The following LSAMP variants were observed in gnomAD, a reference collection of about 807,000 sequenced individuals.
The protein encoded by LSAMP is limbic system-associated membrane protein.
A neutral mutation model predicts 38.6 loss-of-function variants in LSAMP; 7 were observed. That is an observed-to-expected ratio of 0.18 (90% CI 0.10 to 0.34). The LOEUF (loss-of-function observed/expected upper bound fraction) is 0.34, where lower values mean the gene tolerates loss of function less well. LSAMP is among the 10% of genes least tolerant of loss of function. The probability of loss-of-function intolerance (pLI) is 1.00; values close to 1 mark genes in which losing one functional copy is unlikely to be tolerated. For synonymous variants in LSAMP, 154 were observed against 166.8 expected, an observed-to-expected ratio of 0.92 and a Z score of 0.59; for missense variants, 313 against 420.0, an observed-to-expected ratio of 0.75 and a Z score of 2.23.
intron 2 of LSAMP, among the ~76,000 whole-genome samples, chr3:116,081,562 T>C (rs552508105): frequency 6.6e-6 from 1 of 152,320 alleles, no homozygotes; most frequent in Non-Finnish European, 1.5e-5. Context: ...ATATATATTC[T>C]AGGATTAATG....
intron 1 of LSAMP, among the ~76,000 whole-genome samples, chr3:116,097,898 G>C (rs145829917): frequency 4.5e-4 from 69 of 152,052 alleles, no homozygotes; most frequent in Admixed American, 9.2e-4. Flanking sequence ...ACCATACCTG[G>C]CTAATTTTGT....
chr3:116,219,383 G>C (rs1418476071), intron 1 of LSAMP, among the ~76,000 whole-genome samples: 1 of 152,138 alleles, frequency 6.6e-6, no homozygotes, highest in Non-Finnish European at 1.5e-5. Flanking sequence ...TCTACAGCTT[G>C]GGTATTGTGA....
chr3:116,397,537 A>C (rs1340072870), intron 1 of LSAMP, among the ~76,000 whole-genome samples: 2 of 152,082 alleles, frequency 1.3e-5, no homozygotes, highest in Non-Finnish European at 2.9e-5. Flanking sequence ...ACTACAATGC[A>C]AGCTTCGTGA....
chr3:115,978,554 A>G (rs1355624081), intron 3 of LSAMP, among the ~76,000 whole-genome samples: 2 of 152,130 alleles, frequency 1.3e-5, no homozygotes, highest in East Asian at 1.9e-4. Context: ...ACAAATTACA[A>G]GGAGAAAACA....
At chr3:116,214,100 T>C (rs1395758573) in intron 1 of LSAMP, among the ~76,000 whole-genome samples, 1 of 152,186 alleles carries the variant, frequency 6.6e-6, no homozygotes, top group Non-Finnish European at 1.5e-5. Context: ...TTATGGGATA[T>C]TTAAAAGCAT....
chr3:116,101,792 C>A (rs544432222), intron 1 of LSAMP, among the ~76,000 whole-genome samples: 19 of 152,054 alleles, frequency 1.2e-4, no homozygotes, highest in Non-Finnish European at 2.2e-4. Context: ...AAACTGATTT[C>A]GAATATATTG....
chr3:116,257,116 G>A (rs1361586425), intron 1 of LSAMP, among the ~76,000 whole-genome samples: 1 of 152,178 alleles, frequency 6.6e-6, no homozygotes, highest in Non-Finnish European at 1.5e-5. Context: ...AATTTAGAAT[G>A]GGAGGTCAGA....
At chr3:115,971,244 A>G (rs1157535464) in intron 3 of LSAMP, among the ~76,000 whole-genome samples, 1 of 152,216 alleles carries the variant, frequency 6.6e-6, no homozygotes, top group Non-Finnish European at 1.5e-5. Flanking sequence ...TGAGGAATAC[A>G]ATATGACTAG....
intron 1 of LSAMP, among the ~76,000 whole-genome samples, chr3:116,135,782 T>C (rs538069415): frequency 6.6e-6 from 1 of 152,214 alleles, no homozygotes; most frequent in Non-Finnish European, 1.5e-5. Context: ...TTGTCCGTTG[T>C]TTCGATTACG....
intron 6 of LSAMP, among the ~76,000 whole-genome samples, chr3:115,836,384 T>C (rs1202361684): frequency 6.6e-6 from 1 of 152,216 alleles, no homozygotes; most frequent in East Asian, 1.9e-4. Context: ...TGCAGGATCT[T>C]GTAAGAGTGT....
chr3:116,176,383 C>T lies in LSAMP; in HGVS notation c.156-89827G>A, dbSNP rs138239412. On this transcript the variant is annotated intron_variant, in intron 1 of 6. Transcript: ENST00000490035. ...AACAATTCCATATTTAAAACTGGAA[C>T]GCAAAGGACCATTGCCAAAGATTAT... Among the ~76,000 whole-genome samples the T allele has an allele frequency of 1.7e-3, 263 of 152,164 alleles. 2 individuals carry two copies. Among genetic ancestry groups the T allele is most frequent in the African/African-American group, 5.8e-3 (241 of 41,510 alleles).
chr3:115,872,511 AAAG>A (rs1936070305), intron 3 of LSAMP, among the ~76,000 whole-genome samples: 1 of 152,130 alleles, frequency 6.6e-6, no homozygotes, highest in Non-Finnish European at 1.5e-5. Flanking sequence ...GAAGTCTAGA[AAAG>A]AGGAGGGGTA....
At chr3:116,400,111 C>G (rs1343275017) in intron 1 of LSAMP, among the ~76,000 whole-genome samples, 1 of 152,140 alleles carries the variant, frequency 6.6e-6, no homozygotes, top group Non-Finnish European at 1.5e-5. Context: ...TAAAAAACCC[C>G]TAAATTTCCT....
chr3:116,222,879 G>A (rs976645158), intron 1 of LSAMP, among the ~76,000 whole-genome samples: 2 of 151,442 alleles, frequency 1.3e-5, no homozygotes, highest in East Asian at 1.9e-4. Flanking sequence ...GGGACTACAG[G>A]CGCCCGCCAC....
rs1933769031 is a variant in LSAMP at position 115,810,126 on chromosome 3, G to A, written c.*191C>T. On this transcript the variant is annotated 3_prime_UTR_variant, in exon 7 of 7. Coordinates refer to ENST00000490035, the MANE Select transcript of LSAMP (RefSeq NM_002338.5). ...ATACATAAATTTTTAATGATGGACT[G>A]TAAAATTGTTTTAAATGTTGTATTT... 6.1e-5 allele frequency: 34 copies of A among 558,026 alleles called. No homozygotes were observed. In the South Asian group the frequency reaches 6.6e-4, roughly 11 times the overall value. The allele number at this position is 558,026 out of a possible 1,614,324, so 34.6% of individuals were successfully genotyped here.
chr3:116,130,492 C>T (rs1328655358), intron 1 of LSAMP, among the ~76,000 whole-genome samples: 1 of 152,150 alleles, frequency 6.6e-6, no homozygotes, highest in Non-Finnish European at 1.5e-5. Context: ...CAATAAACAA[C>T]AACATGGATT....
At chr3:116,316,985 T>C (rs1408430923) in intron 1 of LSAMP, among the ~76,000 whole-genome samples, 1 of 152,098 alleles carries the variant, frequency 6.6e-6, no homozygotes, top group Non-Finnish European at 1.5e-5. Flanking sequence ...CCAGCTGGAT[T>C]TCCCGGCTTG....
chr3:115,818,790 T>TTATATATATATATATATA (rs66654115), intron 6 of LSAMP, among the ~76,000 whole-genome samples: 1,511 of 68,742 alleles, frequency 0.022, 117 homozygotes, highest in Non-Finnish European at 0.029. Flanking sequence ...AGTTGTACTT[T>TTATATATATATATATATA]TATATATATA....
chr3:116,157,899 TA>T (rs1429233459), intron 1 of LSAMP, among the ~76,000 whole-genome samples: 2 of 151,454 alleles, frequency 1.3e-5, no homozygotes, highest in Admixed American at 6.6e-5. Context: ...AGAGACACAA[TA>T]AAAAAAGAAA....
Sources: gnomAD v4.1 joint callset for allele counts (sites outside exome capture counted in the v4.1 genomes callset) on GRCh38, gnomAD v4.1.1 for gene constraint, MANE v1.5 for transcripts, NCBI Gene and HGNC (gene_info 2026-07-23, HGNC 2026-07-21) for gene names.